The following RNLS variants were observed in gnomAD, a reference collection of about 807,000 sequenced individuals.
RNLS encodes renalase.
In RNLS, 39 loss-of-function variants were observed where a neutral mutation model predicts 39.8. The ratio of observed to expected loss-of-function variants is 0.98; its 90% CI spans 0.76 to 1.28. RNLS has a LOEUF of 1.28. RNLS is among the 50% of genes most tolerant of loss of function. The pLI is 0.00. For synonymous variants in RNLS, 147 were observed against 150.7 expected, an observed-to-expected ratio of 0.98 and a Z score of 0.18; for missense variants, 410 against 413.3, an observed-to-expected ratio of 0.99 and a Z score of 0.07.
intron 4 of RNLS, among the ~76,000 whole-genome samples, chr10:88,366,350 G>A (rs1850097898): frequency 6.6e-6 from 1 of 152,056 alleles, no homozygotes; most frequent in Non-Finnish European, 1.5e-5. Context: ...AGGGGTGCAA[G>A]AGTGGAACTG....
chr10:88,275,021 A>G (rs762337682), exon 7 of RNLS: 11 of 1,613,032 alleles, frequency 6.8e-6, no homozygotes, highest in Admixed American at 1.7e-5. Context: ...GAATCACACC[A>G]GCACTTGGTA....
chr10:88,254,707 C>G, the RNLS span, among the ~76,000 whole-genome samples: 1 of 152,118 alleles, frequency 6.6e-6, no homozygotes, highest in Non-Finnish European at 1.5e-5. Context: ...ATTTACACAC[C>G]GGGTATTTAA....
chr10:88,372,078 A>G (rs1850601900), intron 4 of RNLS, among the ~76,000 whole-genome samples: 1 of 152,186 alleles, frequency 6.6e-6, no homozygotes, highest in South Asian at 2.1e-4. Flanking sequence ...CATAGGATAA[A>G]AATAAACAAG....
At chr10:88,321,412 C>G (rs1314072543) in intron 5 of RNLS, among the ~76,000 whole-genome samples, 1 of 151,796 alleles carries the variant, frequency 6.6e-6, no homozygotes, top group Non-Finnish European at 1.5e-5. Flanking sequence ...TGAGAACAAA[C>G]CAAACCCAAA....
intron 6 of RNLS, among the ~76,000 whole-genome samples, chr10:88,304,462 TGACA>T (rs1281433683): frequency 2.0e-5 from 3 of 152,140 alleles, no homozygotes; most frequent in African/African-American, 7.2e-5. Flanking sequence ...AGGCAAGAGC[TGACA>T]GACAAAATAA....
intron 5 of RNLS, among the ~76,000 whole-genome samples, chr10:88,361,833 G>A (rs1218227467): frequency 3.3e-5 from 5 of 152,224 alleles, no homozygotes; most frequent in East Asian, 1.9e-4. Flanking sequence ...CATCCTTAAC[G>A]GTTATTCCAC....
chr10:88,185,439 C>T, the RNLS span, among the ~76,000 whole-genome samples: 1 of 152,024 alleles, frequency 6.6e-6, no homozygotes, highest in African/African-American at 2.4e-5. Flanking sequence ...AATCTTTATA[C>T]TAACAAGTTC....
At chr10:88,567,800 C>A (rs1849597073) in intron 4 of RNLS, among the ~76,000 whole-genome samples, 1 of 152,174 alleles carries the variant, frequency 6.6e-6, no homozygotes, top group Non-Finnish European at 1.5e-5. Context: ...CAGCTATACC[C>A]TTCCTCAGAA....
At chr10:88,206,545 A>G in the RNLS span, among the ~76,000 whole-genome samples, 1 of 152,182 alleles carries the variant, frequency 6.6e-6, no homozygotes, top group African/African-American at 2.4e-5. Flanking sequence ...CCCAACTGGC[A>G]GGGACCCTAG....
At chr10:88,351,095 ATTTG>A (rs1283903567) in intron 5 of RNLS, among the ~76,000 whole-genome samples, 5 of 151,868 alleles carry the variant, frequency 3.3e-5, no homozygotes, top group African/African-American at 4.8e-5. Context: ...TTTCTTGTAA[ATTTG>A]TTTGAGTTCT....
chr10:88,500,766 AG>A (rs2134105961), intron 4 of RNLS, among the ~76,000 whole-genome samples: 1 of 152,166 alleles, frequency 6.6e-6, no homozygotes, highest in South Asian at 2.1e-4. Context: ...CTCTCCAAAA[AG>A]TTTGGCTTGG....
chr10:88,561,557 C>T (rs1849190936), intron 4 of RNLS, among the ~76,000 whole-genome samples: 1 of 151,764 alleles, frequency 6.6e-6, no homozygotes, highest in Non-Finnish European at 1.5e-5. Context: ...AACATATATT[C>T]CATATAAAGA....
chr10:88,330,661 A>T (rs1034197415), intron 5 of RNLS, among the ~76,000 whole-genome samples: 1 of 152,102 alleles, frequency 6.6e-6, no homozygotes, highest in Non-Finnish European at 1.5e-5. Flanking sequence ...AATCCAATAA[A>T]CTTGATCAAG....
At chr10:88,173,998 T>C in the RNLS span, among the ~76,000 whole-genome samples, 1 of 152,170 alleles carries the variant, frequency 6.6e-6, no homozygotes, top group Admixed American at 6.5e-5. Context: ...TTGGTATTTT[T>C]TTTTTTTGGA....
intron 4 of RNLS, among the ~76,000 whole-genome samples, chr10:88,408,938 ATGTGT>A (rs1245762420): frequency 2.0e-5 from 3 of 152,180 alleles, no homozygotes; most frequent in African/African-American, 7.2e-5. Flanking sequence ...TTTAAAAATG[ATGTGT>A]TGAGAACAAA....
At chr10:88,573,617 T>C (rs923082934) in intron 3 of RNLS, among the ~76,000 whole-genome samples, 7 of 152,200 alleles carry the variant, frequency 4.6e-5, no homozygotes, top group Non-Finnish European at 1.0e-4. Flanking sequence ...AATAGATCAA[T>C]TGTCTTCATT....
intron 5 of RNLS, among the ~76,000 whole-genome samples, chr10:88,334,747 G>A (rs1345734065): frequency 1.3e-5 from 2 of 151,466 alleles, no homozygotes; most frequent in African/African-American, 4.9e-5. Context: ...ATTTTATTGA[G>A]TTGAAGGCAT....
chr10:88,289,557 A>G (rs1313107585), intron 6 of RNLS, among the ~76,000 whole-genome samples: 2 of 152,064 alleles, frequency 1.3e-5, no homozygotes, highest in Non-Finnish European at 2.9e-5. Flanking sequence ...CTATTATATT[A>G]CTTGCTATTT....
At chr10:88,469,344 A>C (rs1267951600) in intron 4 of RNLS, among the ~76,000 whole-genome samples, 1 of 152,204 alleles carries the variant, frequency 6.6e-6, no homozygotes, top group African/African-American at 2.4e-5. Context: ...CATGTGGCTC[A>C]GATAGAGACA....
Sources: allele counts gnomAD v4.1 joint callset (sites outside exome capture counted in the v4.1 genomes callset), GRCh38; gene constraint gnomAD v4.1.1; transcripts MANE v1.5; gene names NCBI Gene and HGNC (gene_info 2026-07-23, HGNC 2026-07-21).